WFDC1: variants seen among roughly 807,000 people sequenced by gnomAD.
The protein encoded by WFDC1 is WAP four-disulfide core domain 1.
WFDC1 carries 39 observed loss-of-function variants against 32.9 expected under a neutral mutation model. The observed-to-expected ratio is 1.19, with a 90% CI of 0.92 to 1.55. WFDC1 has a LOEUF of 1.55. Ranked by LOEUF, WFDC1 falls within the 40% of genes most tolerant of loss-of-function variation. WFDC1 has a pLI of 0.00. For missense variants in WFDC1, 386 were observed against 309.5 expected (o/e 1.25, Z -1.85); for synonymous variants, 184 against 137.4 (o/e 1.34, Z -2.37).
chr16:84,295,996 G>T (rs1304469407), intron 1 of WFDC1, among the ~76,000 whole-genome samples: 3 of 152,150 alleles, frequency 2.0e-5, no homozygotes, highest in Admixed American at 6.5e-5. Context: ...TTATTAGTAT[G>T]TGCAGATTGC....
At chr16:84,318,657 G>A (rs1049176777) in intron 3 of WFDC1, 2 of 315,230 alleles carry the variant, frequency 6.3e-6, no homozygotes, top group Admixed American at 3.8e-5. Flanking sequence ...TAGAATTCTA[G>A]GGGGTTCACC....
Position 84,313,113 on chromosome 16 carries a change from A to C in WFDC1, c.297A>C (p.Gly99=), listed in dbSNP as rs1907742177. The change falls in exon 2 of 7, where the codon GGA becomes GGC. Residue 99 remains glycine, a synonymous_variant. Coordinates refer to ENST00000219454, the MANE Select transcript of WFDC1 (RefSeq NM_021197.4). The stretch of plus-strand genomic sequence containing the variant: ...GGCACCGGCGCTGCTGCTACAACGG[A>C]TGCGCCTACGCCTGCCTAGAAGCTG... ...CPRHRRCCYN[G]CAYACLEAVP... The C allele has an allele frequency of 6.9e-7, 1 of 1,441,878 alleles. No homozygotes were observed. The allele number at this position is 1,441,878 out of a possible 1,614,324, so 89.3% of individuals were successfully genotyped here.
In WFDC1 at chr16:84,313,171, G is replaced by C. The variant is rs1027073333; in HGVS notation, c.337+18G>C. On this transcript the variant is annotated intron_variant, in intron 2 of 6. Transcript: ENST00000219454. ...CCCGCCAGGTAGGTCCTGGGCCCGA[G>C]GGAGGGGGCTGAGGGAGGAGGACAG... 5.7e-6 allele frequency: 8 copies of C among 1,405,050 alleles called. No individual in the cohort carries two copies. In the African/African-American group the frequency reaches 1.1e-4, roughly 19 times the overall value. The allele number at this position is 1,405,050 out of a possible 1,614,324, so 87.0% of individuals were successfully genotyped here. A position where few individuals can be genotyped will look rare whatever the true frequency, so the allele number is the denominator to read the frequency against.
At chr16:84,305,976 C>G (rs180788891) in intron 1 of WFDC1, among the ~76,000 whole-genome samples, 169 of 151,304 alleles carry the variant, frequency 1.1e-3, no homozygotes, top group Admixed American at 3.6e-3. Flanking sequence ...GCACTCCAGC[C>G]TGGGTGACAG....
At chr16:84,311,226 ATATGT>A (rs1230075581) in intron 1 of WFDC1, among the ~76,000 whole-genome samples, 6 of 146,090 alleles carry the variant, frequency 4.1e-5, no homozygotes, top group African/African-American at 1.5e-4. Flanking sequence ...CCATATTCCT[ATATGT>A]TAAGTACAGT....
intron 1 of WFDC1, among the ~76,000 whole-genome samples, chr16:84,310,497 A>C (rs1907546425): frequency 6.6e-6 from 1 of 150,898 alleles, no homozygotes; most frequent in Admixed American, 6.6e-5. Flanking sequence ...ATTGAAGAAG[A>C]ATGTGTACAT....
intron 1 of WFDC1, among the ~76,000 whole-genome samples, chr16:84,303,102 G>A (rs915910369): frequency 6.6e-6 from 1 of 150,712 alleles, no homozygotes; most frequent in African/African-American, 2.4e-5. Context: ...CCAGTGTTAA[G>A]GGCCCCGGGC....
At chr16:84,323,096 C>T (rs887558265) in intron 4 of WFDC1, among the ~76,000 whole-genome samples, 1 of 152,114 alleles carries the variant, frequency 6.6e-6, no homozygotes, top group East Asian at 1.9e-4. Context: ...TGGGGAGCTC[C>T]CCCAGCCTAC....
chr16:84,312,591 C>CAT (rs1165754825), intron 1 of WFDC1, among the ~76,000 whole-genome samples: 27 of 152,056 alleles, frequency 1.8e-4, no homozygotes, highest in Admixed American at 1.3e-4. Context: ...TATGTGTGTA[C>CAT]GTATATGTAT....
At chr16:84,315,411 C>G (rs988627011) in intron 2 of WFDC1, among the ~76,000 whole-genome samples, 2 of 152,228 alleles carry the variant, frequency 1.3e-5, no homozygotes, top group East Asian at 1.9e-4. Context: ...GGGAGTTTGT[C>G]TTTCATTCAC....
chr16:84,318,629 G>C (rs1358035983), intron 3 of WFDC1: 1 of 363,940 alleles, frequency 2.7e-6, no homozygotes, highest in Non-Finnish European at 5.2e-6. Flanking sequence ...GGGGGCTTAG[G>C]GTTGGTTTTC....
At chr16:84,320,580 C>T (rs962472417) in intron 4 of WFDC1, among the ~76,000 whole-genome samples, 3 of 152,198 alleles carry the variant, frequency 2.0e-5, no homozygotes, top group South Asian at 2.1e-4. Context: ...AAAACCATCT[C>T]GAACCCCACT....
At chr16:84,303,512 TA>T (rs1907069874) in intron 1 of WFDC1, among the ~76,000 whole-genome samples, 1 of 152,118 alleles carries the variant, frequency 6.6e-6, no homozygotes, top group African/African-American at 2.4e-5. Flanking sequence ...CACAGAAAGT[TA>T]TAAATTAGTA....
At chr16:84,302,889 C>A (rs244838) in intron 1 of WFDC1, among the ~76,000 whole-genome samples, 148,026 of 152,206 alleles carry the variant, frequency 0.97, 72,116 homozygotes, top group East Asian at 1. Flanking sequence ...ATGAATGAAT[C>A]AATTATGTTA....
intron 1 of WFDC1, among the ~76,000 whole-genome samples, chr16:84,308,425 C>T (rs1907398582): frequency 6.6e-6 from 1 of 152,186 alleles, no homozygotes; most frequent in African/African-American, 2.4e-5. Flanking sequence ...CCTCTGCTCT[C>T]AGTGTGGGGT....
In WFDC1 at chr16:84,313,213, CGGG is replaced by C. The variant is rs1257969946; in HGVS notation, c.337+63_337+65del. On this transcript the variant is annotated intron_variant, in intron 2 of 6. Transcript: ENST00000219454. Reference sequence around the variant, plus strand: ...GGAGGACAGGTGAACAGAGCTGTCCCGGGGGAGGGGAAGAAAGGAGCTGGGCTT... The same window carrying C: ...GGAGGACAGGTGAACAGAGCTGTCCCGGAGGGGAAGAAAGGAGCTGGGCTT... 2.3e-6 allele frequency: 3 copies of C among 1,324,414 alleles called. No individual in the cohort carries two copies. The African/African-American group carries it at 4.7e-5, about 21-fold the overall frequency. 82.0% of individuals were successfully genotyped at this position (1,324,414 alleles called of 1,614,324 possible).
At chr16:84,311,633 A>G (rs1366960641) in intron 1 of WFDC1, among the ~76,000 whole-genome samples, 3 of 131,984 alleles carry the variant, frequency 2.3e-5, no homozygotes, top group Non-Finnish European at 4.7e-5. Context: ...GGATCAAACC[A>G]TCCTCCCGCC....
rs190177486 is a variant in WFDC1, at chr16:84,316,942, C to T, written c.338-1330C>T. On this transcript the variant is annotated intron_variant, in intron 2 of 6. Transcript: ENST00000219454. Reference sequence around the variant, plus strand: ...GCAATGAGCCAAGATTGCGCCATTGCACTCCAGCCTGGGCGACAAGAGTGA... The same window carrying T: ...GCAATGAGCCAAGATTGCGCCATTGTACTCCAGCCTGGGCGACAAGAGTGA... 3.9e-3 allele frequency: 593 copies of T among 150,680 alleles called. 1 individual carries two copies. Among genetic ancestry groups the T allele is most frequent in the Admixed American group, 6.8e-3 (102 of 15,080 alleles). 9.3% of individuals were successfully genotyped at this position (150,680 alleles called of 1,614,324 possible).
rs978064468 is a variant in WFDC1, at chr16:84,313,272, G to A, written c.337+119G>A. ...TGGGCCACCTGGGCGGGTCTCGGGC[G>A]CCTCCACTGCGCACCTGTGAACTGG... On this transcript the variant is annotated intron_variant, in intron 2 of 6. Coordinates refer to ENST00000219454, the MANE Select transcript of WFDC1 (RefSeq NM_021197.4). The A allele has an allele frequency of 8.5e-6, 8 of 938,362 alleles. No individual in the cohort carries two copies. The African/African-American group carries it at 8.7e-5, about 10-fold the overall frequency. The allele number at this position is 938,362 out of a possible 1,614,324, so 58.1% of individuals were successfully genotyped here. A position where few individuals can be genotyped will look rare whatever the true frequency, so the allele number is the denominator to read the frequency against.
Sources: gnomAD v4.1 joint callset for allele counts (sites outside exome capture counted in the v4.1 genomes callset) on GRCh38, gnomAD v4.1.1 for gene constraint, MANE v1.5 for transcripts, NCBI Gene and HGNC (gene_info 2026-07-23, HGNC 2026-07-21) for gene names.